UGT1A7: variants seen among roughly 807,000 people sequenced by gnomAD.
The protein encoded by UGT1A7 is UDP glucuronosyltransferase family 1 member A7, also known as UDP-glucuronosyltransferase 1A7.
Under a neutral mutation model 45.6 loss-of-function variants are expected in UGT1A7, and 33 were observed. The ratio of observed to expected loss-of-function variants is 0.72; its 90% CI spans 0.55 to 0.97. UGT1A7 has a LOEUF of 0.97. UGT1A7 is among the 50% of genes least tolerant of loss of function. The pLI, the probability that UGT1A7 is intolerant of heterozygous loss-of-function variation, is 0.00. For missense variants in UGT1A7, 684 were observed against 666.2 expected, an observed-to-expected ratio of 1.03 and a Z score of -0.29; for synonymous variants, 274 against 250.6, an observed-to-expected ratio of 1.09 and a Z score of -0.88.
At chr2:233,730,118 T>C in intron 1 of UGT1A7, 5 of 1,555,912 alleles carry the variant, frequency 3.2e-6, no homozygotes, top group Non-Finnish European at 4.3e-6. Context: ...CTTCTCCTTG[T>C]CATAATAGCC....
At chr2:233,740,611 T>C (rs1203894418) in intron 1 of UGT1A7, 1 of 151,850 alleles carries the variant, frequency 6.6e-6, no homozygotes, top group Non-Finnish European at 1.5e-5. Flanking sequence ...TCCAGGTCTC[T>C]TGGGGCTCAC....
Position 233,772,565 on chromosome 2 carries a change from G to A in UGT1A7, c.*6G>A. ...ACAAATCCAAGACCCATTGAGAAGT[G>A]GGTGGGAAATAAGGTAAAATTTTGA... On this transcript the variant is annotated 3_prime_UTR_variant, in exon 5 of 5. Coordinates refer to ENST00000373426, the MANE Select transcript of UGT1A7 (RefSeq NM_019077.3). 6.2e-7 allele frequency: 1 copy of A among 1,613,202 alleles called. No homozygotes were observed.
chr2:233,758,687 A>T (rs1165998608), intron 1 of UGT1A7, among the ~76,000 whole-genome samples: 1 of 152,210 alleles, frequency 6.6e-6, no homozygotes, highest in Non-Finnish European at 1.5e-5. Flanking sequence ...CCCATAGGAC[A>T]CCAAAACTCT....
At chr2:233,703,132 G>A (rs1172659956) in intron 1 of UGT1A7, among the ~76,000 whole-genome samples, 3 of 152,068 alleles carry the variant, frequency 2.0e-5, no homozygotes. Flanking sequence ...TACCTGTTAT[G>A]GCTTTATTTA....
intron 1 of UGT1A7, among the ~76,000 whole-genome samples, chr2:233,731,993 G>T (rs913496587): frequency 6.6e-6 from 1 of 152,180 alleles, no homozygotes; most frequent in African/African-American, 2.4e-5. Context: ...GGCGTGAGAT[G>T]GTATCTCATT....
chr2:233,750,918 A>G (rs1308171109), intron 1 of UGT1A7, among the ~76,000 whole-genome samples: 1 of 151,874 alleles, frequency 6.6e-6, no homozygotes, highest in Admixed American at 6.5e-5. Context: ...AGGGTGGTAA[A>G]GAAATGTGAG....
rs1413037235 is a variant in UGT1A7, at chr2:233,728,990, C to T, written c.856-38044C>T. 4.6e-6 allele frequency: 7 copies of T among 1,537,926 alleles called. No homozygotes were observed. In the Admixed American group the frequency reaches 1.1e-4, roughly 25 times the overall value. On this transcript the variant is annotated intron_variant, in intron 1 of 4. Coordinates refer to ENST00000373426, the MANE Select transcript of UGT1A7 (RefSeq NM_019077.3). ...TGATAGATTAATGGTTAATAATTAA[C>T]TAGAGGAGGGCACTCTGTCTTCCAA...
chr2:233,720,860 T>C (rs2076898580), intron 1 of UGT1A7, among the ~76,000 whole-genome samples: 2 of 148,966 alleles, frequency 1.3e-5, no homozygotes, highest in African/African-American at 5.0e-5. Flanking sequence ...CATGTGCCAC[T>C]GCTCCTGGCA....
chr2:233,701,016 A>G (rs1263282230), intron 1 of UGT1A7, among the ~76,000 whole-genome samples: 1 of 152,140 alleles, frequency 6.6e-6, no homozygotes, highest in Non-Finnish European at 1.5e-5. Context: ...GATGGTTTCC[A>G]GTTTCATCCA....
intron 1 of UGT1A7, chr2:233,693,641 C>T: frequency 1.2e-6 from 2 of 1,614,166 alleles, no homozygotes; most frequent in Non-Finnish European, 1.7e-6. Context: ...GGCCAACTTC[C>T]TTGTTAATTT....
chr2:233,700,454 G>T (rs2075565254), intron 1 of UGT1A7, among the ~76,000 whole-genome samples: 1 of 152,100 alleles, frequency 6.6e-6, no homozygotes, highest in Admixed American at 6.5e-5. Flanking sequence ...ATGCTAGAAT[G>T]ATTCAGCTAA....
intron 1 of UGT1A7, among the ~76,000 whole-genome samples, chr2:233,716,269 C>G (rs1283038441): frequency 1.3e-5 from 2 of 152,168 alleles, no homozygotes; most frequent in Non-Finnish European, 2.9e-5. Flanking sequence ...CTCCCCATGT[C>G]AAAACCCTTA....
chr2:233,755,070 C>G, intron 1 of UGT1A7: 1 of 1,336,550 alleles, frequency 7.5e-7, no homozygotes, highest in African/African-American at 1.5e-5. Flanking sequence ...CTCGCCATAG[C>G]GGTCATAGAT....
At position 233,760,622 on chromosome 2, in the gene UGT1A7, C is replaced by G. The variant is rs766978023; in HGVS notation, c.856-6412C>G. The G allele has an allele frequency of 2.5e-6, 4 of 1,614,144 alleles. No individual in the cohort carries two copies. The East Asian group carries it at 8.9e-5, about 36-fold the overall frequency. ...TCTTTCCTGCAGCGTGTGATCAAAA[C>G]ATACAAGAAAATAAAAAAGGACTCT... On this transcript the variant is annotated intron_variant, in intron 1 of 4. Coordinates refer to ENST00000373426, the MANE Select transcript of UGT1A7 (RefSeq NM_019077.3).
In UGT1A7 at chr2:233,710,708, G is replaced by A. The variant is rs114746261; in HGVS notation, c.855+27916G>A. Among the ~76,000 whole-genome samples, 1,495 of 152,198 alleles carry A rather than the reference G, an allele frequency of 9.8e-3. 22 individuals carry two copies. Among genetic ancestry groups the A allele is most frequent in the African/African-American group, 0.034 (1,426 of 41,536 alleles). Reference sequence around the variant, plus strand: ...TTACTTCTGGTGTGTGGTGTCCTTTGTTTCATTTTTTAAAAAACAACGTCT... The same window carrying A: ...TTACTTCTGGTGTGTGGTGTCCTTTATTTCATTTTTTAAAAAACAACGTCT... On this transcript the variant is annotated intron_variant, in intron 1 of 4. Transcript: ENST00000373426.
intron 1 of UGT1A7, among the ~76,000 whole-genome samples, chr2:233,699,953 G>A (rs1257269437): frequency 1.3e-5 from 2 of 152,194 alleles, no homozygotes; most frequent in Admixed American, 6.5e-5. Flanking sequence ...TACAATGTGT[G>A]AAAAATACCC....
intron 1 of UGT1A7, among the ~76,000 whole-genome samples, chr2:233,733,410 G>A (rs1464180881): frequency 6.6e-6 from 1 of 152,160 alleles, no homozygotes; most frequent in Non-Finnish European, 1.5e-5. Flanking sequence ...AATGCTTCCA[G>A]TTTTCGCCTA....
chr2:233,701,519 A>T (rs1017874937), intron 1 of UGT1A7, among the ~76,000 whole-genome samples: 23 of 152,206 alleles, frequency 1.5e-4, no homozygotes, highest in Non-Finnish European at 2.5e-4. Context: ...AGAACTCTCC[A>T]CCCCAAATCA....
chr2:233,711,830 G>A (rs2076199320), intron 1 of UGT1A7, among the ~76,000 whole-genome samples: 1 of 152,220 alleles, frequency 6.6e-6, no homozygotes, highest in Non-Finnish European at 1.5e-5. Context: ...CCAGGACAAG[G>A]AGGCGTCAGC....
Sources: allele counts gnomAD v4.1 joint callset (sites outside exome capture counted in the v4.1 genomes callset), GRCh38; gene constraint gnomAD v4.1.1; transcripts MANE v1.5; gene names NCBI Gene and HGNC (gene_info 2026-07-23, HGNC 2026-07-21).